Variants in PITPNB observed in about 807,000 individuals in gnomAD.
The protein encoded by PITPNB is phosphatidylinositol transfer protein beta isoform.
A neutral mutation model predicts 45.9 loss-of-function variants in PITPNB; 16 were observed. The observed-to-expected ratio is 0.35, with a 90% confidence interval of 0.24 to 0.53. The LOEUF (loss-of-function observed/expected upper bound fraction) is 0.53, where lower values mean the gene tolerates loss of function less well. Among genes scored for constraint, PITPNB ranks in the 20% least tolerant of loss-of-function variants. PITPNB has a pLI of 0.93. For synonymous variants in PITPNB, 112 were observed against 108.9 expected, an observed-to-expected ratio of 1.03 and a Z score of -0.18; for missense variants, 188 against 330.5, an observed-to-expected ratio of 0.57 and a Z score of 3.34.
At chr22:27,854,744 C>T (rs1261220720) in intron 11 of PITPNB, 110 bp downstream of exon 11, 1 of 563,468 alleles carries the variant, frequency 1.8e-6, no homozygotes, top group African/African-American at 1.9e-5. Flanking sequence ...CTTTTAAATT[C>T]TAAAAATAAA....
intron 3 of PITPNB, among the ~76,000 whole-genome samples, chr22:27,905,594 A>G (rs1257880103): frequency 6.6e-6 from 1 of 152,122 alleles, no homozygotes; most frequent in Non-Finnish European, 1.5e-5. Flanking sequence ...ACAAAAATGA[A>G]CTCTTACCTT....
chr22:27,878,165 T>A (rs1490181147), intron 7 of PITPNB, among the ~76,000 whole-genome samples: 1 of 152,144 alleles, frequency 6.6e-6, no homozygotes, highest in African/African-American at 2.4e-5. Context: ...TCTAATCACA[T>A]CCTAAAAATA....
chr22:27,888,463 T>G (rs1386196373), intron 7 of PITPNB, among the ~76,000 whole-genome samples: 1 of 152,238 alleles, frequency 6.6e-6, no homozygotes, highest in Admixed American at 6.5e-5. Flanking sequence ...TCCTCATCCC[T>G]TGCCAACCCA....
At position 27,853,484 on chromosome 22, in the gene PITPNB, T is replaced by A; in HGVS notation, c.*218A>T. 1 of 711,766 alleles carries A rather than the reference T, an allele frequency of 1.4e-6. No individual in the cohort carries two copies. The highest frequency in any genetic ancestry group is 2.5e-6 in the Non-Finnish European group (1 of 402,088). The allele number at this position is 711,766 out of a possible 1,614,324, so 44.1% of individuals were successfully genotyped here. Reference sequence around the variant, plus strand: ...GATCTGTAGCTCTACATGCGCTTTATATACAGCTACAGACATATGCACACA... The same window carrying A: ...GATCTGTAGCTCTACATGCGCTTTAAATACAGCTACAGACATATGCACACA... On this transcript the variant is annotated 3_prime_UTR_variant, in exon 12 of 12. Coordinates refer to ENST00000335272, the MANE Select transcript of PITPNB (RefSeq NM_012399.5).
chr22:27,860,403 C>A (rs976837846), intron 8 of PITPNB, 162 bp from the exon 9 acceptor site: 1 of 536,654 alleles, frequency 1.9e-6, no homozygotes, highest in Non-Finnish European at 3.3e-6. Context: ...TAGCAAAAGC[C>A]GCAGTATTCC....
chr22:27,913,806 T>A (rs896769558), intron 2 of PITPNB, among the ~76,000 whole-genome samples: 2 of 152,128 alleles, frequency 1.3e-5, no homozygotes, highest in Non-Finnish European at 1.5e-5. Flanking sequence ...GGGGATGGGG[T>A]TGGCTGGAGG....
chr22:27,898,409 TTGTG>T (rs1013159265), intron 3 of PITPNB, among the ~76,000 whole-genome samples: 2 of 150,802 alleles, frequency 1.3e-5, no homozygotes, highest in African/African-American at 4.9e-5. Flanking sequence ...ATAAAAGGTT[TTGTG>T]TGTGTGTGTG....
intron 7 of PITPNB, among the ~76,000 whole-genome samples, chr22:27,890,793 G>A (rs6005668): frequency 1.1e-4 from 17 of 152,248 alleles, no homozygotes; most frequent in African/African-American, 4.1e-4. Context: ...CAGCCTGGGC[G>A]ACAGAGCGAG....
At chr22:27,877,589 C>G (rs1934855147) in intron 7 of PITPNB, among the ~76,000 whole-genome samples, 1 of 152,210 alleles carries the variant, frequency 6.6e-6, no homozygotes, top group Non-Finnish European at 1.5e-5. Flanking sequence ...TCAACAGAAA[C>G]TCTCAATAGA....
chr22:27,908,757 A>G (rs191680065), intron 3 of PITPNB, among the ~76,000 whole-genome samples: 53 of 152,258 alleles, frequency 3.5e-4, no homozygotes, highest in Admixed American at 2.8e-3. Flanking sequence ...CTCAATAGAC[A>G]TATTTTTCAG....
At chr22:27,866,880 AGT>A (rs909151442) in intron 8 of PITPNB, among the ~76,000 whole-genome samples, 1 of 152,194 alleles carries the variant, frequency 6.6e-6, no homozygotes, top group South Asian at 2.1e-4. Context: ...GAGTGCTGCC[AGT>A]GTGTGTGCAT....
intron 7 of PITPNB, among the ~76,000 whole-genome samples, chr22:27,890,985 C>T (rs1041012151): frequency 1.9e-4 from 29 of 152,192 alleles, no homozygotes; most frequent in African/African-American, 6.3e-4. Context: ...GGAGGCTGTG[C>T]GTTGCGTGAT....
intron 3 of PITPNB, among the ~76,000 whole-genome samples, chr22:27,909,593 C>T (rs900315606): frequency 3.3e-5 from 5 of 151,850 alleles, no homozygotes; most frequent in East Asian, 3.8e-4. Context: ...CTTTTGTCTA[C>T]GAAATTAGCA....
At chr22:27,912,128 A>C (rs1366548326) in intron 2 of PITPNB, among the ~76,000 whole-genome samples, 1 of 152,236 alleles carries the variant, frequency 6.6e-6, no homozygotes, top group Non-Finnish European at 1.5e-5. Flanking sequence ...TCTACCTCTA[A>C]GAACTTGTAA....
intron 7 of PITPNB, among the ~76,000 whole-genome samples, chr22:27,890,702 T>C (rs1041746286): frequency 3.3e-5 from 5 of 152,142 alleles, no homozygotes; most frequent in African/African-American, 9.7e-5. Context: ...TAGTCCCAGC[T>C]ACTCGGGAGG....
chr22:27,860,196 T>TATA lies in PITPNB; in HGVS notation c.577_579dup (p.Tyr193dup). ...CACTTGAATTTGATGGTCACCAGCT[T>TATA]ATAGGCACACATCTGGGGACAGTCA... On this transcript the variant is annotated inframe_insertion, in exon 9 of 12. Transcript: ENST00000335272. 1 of 1,613,988 alleles carries TATA rather than the reference T, an allele frequency of 6.2e-7. No individual in the cohort carries two copies. The highest frequency in any genetic ancestry group is 8.5e-7 in the Non-Finnish European group (1 of 1,179,858).
chr22:27,866,733 T>C (rs1242222344), intron 8 of PITPNB, among the ~76,000 whole-genome samples: 1 of 152,014 alleles, frequency 6.6e-6, no homozygotes, highest in African/African-American at 2.4e-5. Flanking sequence ...GCAGTTTCTG[T>C]AAGGCTCATA....
At chr22:27,879,306 C>T (rs981631668) in intron 7 of PITPNB, among the ~76,000 whole-genome samples, 17 of 152,138 alleles carry the variant, frequency 1.1e-4, no homozygotes, top group Admixed American at 7.9e-4. Flanking sequence ...AAACAGATGG[C>T]TATGTGATAC....
At chr22:27,888,152 C>T (rs994783449) in intron 7 of PITPNB, among the ~76,000 whole-genome samples, 4 of 152,172 alleles carry the variant, frequency 2.6e-5, no homozygotes, top group Admixed American at 2.0e-4. Flanking sequence ...GTCTTTCTCC[C>T]TCCAGGTTGT....
Sources: gnomAD v4.1 joint callset for allele counts (sites outside exome capture counted in the v4.1 genomes callset) on GRCh38, gnomAD v4.1.1 for gene constraint, MANE v1.5 for transcripts, NCBI Gene and HGNC (gene_info 2026-07-23, HGNC 2026-07-21) for gene names.